The following PPARGC1A variants were observed in gnomAD, a reference collection of about 807,000 sequenced individuals.
PPARGC1A encodes PPARG coactivator 1 alpha, also known as peroxisome proliferator-activated receptor gamma coactivator 1-alpha.
In PPARGC1A, 25 loss-of-function variants were observed where a neutral mutation model predicts 88.7. The ratio of observed to expected loss-of-function variants is 0.28; its 90% confidence interval spans 0.21 to 0.39. The LOEUF is 0.39. PPARGC1A is among the 10% of genes least tolerant of loss of function. The pLI, the probability that PPARGC1A is intolerant of heterozygous loss-of-function variation, is 1.00. For missense variants in PPARGC1A, 880 were observed against 968.7 expected, an observed-to-expected ratio of 0.91 and a Z score of 1.22; for synonymous variants, 363 against 355.6, an observed-to-expected ratio of 1.02 and a Z score of -0.24.
the PPARGC1A span, among the ~76,000 whole-genome samples, chr4:24,371,577 G>A: frequency 2.0e-5 from 3 of 152,216 alleles, no homozygotes; most frequent in Middle Eastern, 3.4e-3. Flanking sequence ...AGGAAAAGGT[G>A]GGGGTGAGGG....
chr4:23,917,173 C>G, the PPARGC1A span, among the ~76,000 whole-genome samples: 1 of 152,146 alleles, frequency 6.6e-6, no homozygotes, highest in Non-Finnish European at 1.5e-5. Flanking sequence ...GCAATTGGAA[C>G]AGGCAGTAGA....
chr4:24,387,826 G>GAAAGAAAGAAAGAA, the PPARGC1A span, among the ~76,000 whole-genome samples: 69 of 53,082 alleles, frequency 1.3e-3, 2 homozygotes, highest in South Asian at 3.8e-3. Context: ...GAAAGAAAGA[G>GAAAGAAAGAAAGAA]AGAAAGAGAG....
chr4:24,455,719 T>G, the PPARGC1A span, among the ~76,000 whole-genome samples: 2 of 152,180 alleles, frequency 1.3e-5, no homozygotes, highest in East Asian at 1.9e-4. Flanking sequence ...GTGAGCTTAT[T>G]ATAAGAGGGA....
the PPARGC1A span, among the ~76,000 whole-genome samples, chr4:24,384,279 A>T: frequency 6.6e-6 from 1 of 152,202 alleles, no homozygotes; most frequent in African/African-American, 2.4e-5. Flanking sequence ...CTGCAAAAAC[A>T]TACCAAATTG....
chr4:24,014,187 T>C, the PPARGC1A span, among the ~76,000 whole-genome samples: 1 of 152,062 alleles, frequency 6.6e-6, no homozygotes, highest in Non-Finnish European at 1.5e-5. Context: ...GCAATACAAA[T>C]AAAGCTGAGT....
At chr4:23,977,758 T>C in the PPARGC1A span, among the ~76,000 whole-genome samples, 1 of 152,342 alleles carries the variant, frequency 6.6e-6, no homozygotes, top group Non-Finnish European at 1.5e-5. Flanking sequence ...AATTAAAACA[T>C]GTTTTTACTC....
intron 2 of PPARGC1A, among the ~76,000 whole-genome samples, chr4:23,875,036 A>G (rs1714407179): frequency 6.6e-6 from 1 of 152,238 alleles, no homozygotes. Context: ...CTTGTATTGT[A>G]TGCAAGGGTA....
intron 2 of PPARGC1A, among the ~76,000 whole-genome samples, chr4:23,843,751 A>G (rs989876554): frequency 6.6e-6 from 1 of 152,002 alleles, no homozygotes; most frequent in African/African-American, 2.4e-5. Flanking sequence ...CCCAGTTACT[A>G]GTTAAGGTTG....
At chr4:24,082,871 G>A in the PPARGC1A span, among the ~76,000 whole-genome samples, 3 of 152,210 alleles carry the variant, frequency 2.0e-5, no homozygotes, top group South Asian at 4.2e-4. Context: ...GAGTACAGGA[G>A]GCTGAACATA....
chr4:24,468,129 C>A, the PPARGC1A span, among the ~76,000 whole-genome samples: 183 of 152,272 alleles, frequency 1.2e-3, 1 homozygote, highest in African/African-American at 4.3e-3. Context: ...ATAGTGACAG[C>A]TAATAAGGTG....
intron 12 of PPARGC1A, among the ~76,000 whole-genome samples, chr4:23,799,548 G>C (rs974707153): frequency 1.3e-5 from 2 of 152,164 alleles, no homozygotes; most frequent in Non-Finnish European, 2.9e-5. Flanking sequence ...CAATGATGGA[G>C]CTCAGAAAAA....
the PPARGC1A span, among the ~76,000 whole-genome samples, chr4:24,021,993 G>T: frequency 6.6e-6 from 1 of 152,170 alleles, no homozygotes; most frequent in Non-Finnish European, 1.5e-5. Flanking sequence ...GCCAGCATGG[G>T]AGTGATGGTA....
the PPARGC1A span, among the ~76,000 whole-genome samples, chr4:24,352,287 A>G: frequency 1.3e-5 from 2 of 152,172 alleles, no homozygotes; most frequent in Non-Finnish European, 2.9e-5. Flanking sequence ...TCACTCCAAC[A>G]GAAAGCACAG....
chr4:23,917,310 C>T, the PPARGC1A span, among the ~76,000 whole-genome samples: 1 of 152,084 alleles, frequency 6.6e-6, no homozygotes, highest in Non-Finnish European at 1.5e-5. Context: ...CACCACTGCC[C>T]TCCTAGATTC....
the PPARGC1A span, among the ~76,000 whole-genome samples, chr4:24,032,073 AGCAT>A: frequency 6.6e-6 from 1 of 152,238 alleles, no homozygotes; most frequent in East Asian, 1.9e-4. Context: ...AAAGAAAACT[AGCAT>A]TGATTTAGCA....
the PPARGC1A span, among the ~76,000 whole-genome samples, chr4:24,114,076 A>G: frequency 6.9e-6 from 1 of 143,894 alleles, no homozygotes; most frequent in African/African-American, 2.5e-5. Flanking sequence ...GTGAGCCGAG[A>G]TCGTGCCACT....
At chr4:23,885,960 C>T (rs973192588) in intron 1 of PPARGC1A, among the ~76,000 whole-genome samples, 7 of 152,136 alleles carry the variant, frequency 4.6e-5, no homozygotes, top group South Asian at 2.1e-4. Flanking sequence ...TTTTACCATG[C>T]GGCTTTTGGA....
the PPARGC1A span, among the ~76,000 whole-genome samples, chr4:24,348,495 C>T: frequency 1.3e-5 from 2 of 152,072 alleles, no homozygotes; most frequent in African/African-American, 4.8e-5. Context: ...AGGCTTTGTT[C>T]ATATTTTCTT....
At chr4:24,042,593 C>G in the PPARGC1A span, among the ~76,000 whole-genome samples, 2 of 152,142 alleles carry the variant, frequency 1.3e-5, no homozygotes, top group African/African-American at 4.8e-5. Flanking sequence ...ACAAAGGAGC[C>G]AATGCAATAG....
Sources: gnomAD v4.1 joint callset for allele counts (sites outside exome capture counted in the v4.1 genomes callset) on GRCh38, gnomAD v4.1.1 for gene constraint, MANE v1.5 for transcripts, NCBI Gene and HGNC (gene_info 2026-07-23, HGNC 2026-07-21) for gene names.